CTNNAL1: variants seen among roughly 807,000 people sequenced by gnomAD.
CTNNAL1 encodes the protein alpha-catulin.
Under a neutral mutation model 93.6 loss-of-function variants are expected in CTNNAL1, and 69 were observed. The observed-to-expected ratio is 0.74, with a 90% confidence interval of 0.61 to 0.90. The LOEUF (loss-of-function observed/expected upper bound fraction) is 0.90, where lower values mean the gene tolerates loss of function less well. CTNNAL1 is among the 40% of genes least tolerant of loss of function. CTNNAL1 has a pLI of 0.00. For synonymous variants in CTNNAL1, 286 were observed against 305.4 expected, an observed-to-expected ratio of 0.94 and a Z score of 0.66; for missense variants, 836 against 862.0, an observed-to-expected ratio of 0.97 and a Z score of 0.38.
At chr9:108,988,643 T>C (rs1193525687) in intron 4 of CTNNAL1, among the ~76,000 whole-genome samples, 1 of 152,218 alleles carries the variant, frequency 6.6e-6, no homozygotes, top group Non-Finnish European at 1.5e-5. Flanking sequence ...TCTGATTTCA[T>C]CTTATTACCC....
intron 11 of CTNNAL1, among the ~76,000 whole-genome samples, chr9:108,959,948 T>C (rs1171721322): frequency 6.6e-6 from 1 of 152,240 alleles, no homozygotes; most frequent in Non-Finnish European, 1.5e-5. Context: ...TCAGTTACAA[T>C]ATATAGAGCC....
At chr9:108,975,121 C>T (rs930574341) in intron 8 of CTNNAL1, among the ~76,000 whole-genome samples, 1 of 152,118 alleles carries the variant, frequency 6.6e-6, no homozygotes, top group South Asian at 2.1e-4. Flanking sequence ...CAAGATCACG[C>T]CACTGCACTC....
At chr9:108,964,987 G>C (rs933975050) in intron 11 of CTNNAL1, among the ~76,000 whole-genome samples, 1 of 152,014 alleles carries the variant, frequency 6.6e-6, no homozygotes, top group African/African-American at 2.4e-5. Flanking sequence ...CTCAGCCGTA[G>C]TATCTGGGAT....
At chr9:108,977,613 G>A (rs948495259) in intron 7 of CTNNAL1, among the ~76,000 whole-genome samples, 1 of 152,014 alleles carries the variant, frequency 6.6e-6, no homozygotes, top group African/African-American at 2.4e-5. Context: ...TTTGTTTAAA[G>A]TCTATCTTCC....
chr9:108,999,300 C>T (rs4978382), intron 1 of CTNNAL1, 44 bp from the exon 2 acceptor site: 115,768 of 1,535,398 alleles, frequency 0.075, 3,795 homozygotes, highest in Admixed American at 0.16. Flanking sequence ...AATACCTTTT[C>T]TTTTTTAAGC....
chr9:108,950,498 T>C, intron 14 of CTNNAL1: 1 of 1,547,508 alleles, frequency 6.5e-7, no homozygotes, highest in Admixed American at 2.0e-5. Context: ...TTCTGCCTTC[T>C]TTTTCCAGAG....
intron 11 of CTNNAL1, among the ~76,000 whole-genome samples, chr9:108,959,011 C>T (rs1233424624): frequency 6.6e-6 from 1 of 151,096 alleles, no homozygotes; most frequent in African/African-American, 2.4e-5. Flanking sequence ...TGTTCATAAT[C>T]CCAGCACTTT....
intron 8 of CTNNAL1, among the ~76,000 whole-genome samples, chr9:108,973,272 G>T (rs1831168882): frequency 6.6e-6 from 1 of 152,160 alleles, no homozygotes; most frequent in African/African-American, 2.4e-5. Context: ...ACAGTATTAA[G>T]AGTATTAAGA....
chr9:108,986,213 T>G (rs957595596), intron 4 of CTNNAL1, among the ~76,000 whole-genome samples: 1 of 144,436 alleles, frequency 6.9e-6, no homozygotes, highest in African/African-American at 2.5e-5. Flanking sequence ...GAGTGTGATA[T>G]TCCCCTTCCT....
Position 108,942,851 on chromosome 9 carries a change from C to A in CTNNAL1, c.2140-17G>T. On this transcript the variant is annotated splice_polypyrimidine_tract_variant and intron_variant, in intron 18 of 18. Coordinates refer to ENST00000325551, the MANE Select transcript of CTNNAL1 (RefSeq NM_003798.4). ...CATCTGAAGCTGGAAAGAGTTAAGA[C>A]AATTAGTATCTGGTTTCACTCTGAA... 1.2e-6 allele frequency: 2 copies of A among 1,613,114 alleles called. No homozygotes were observed. The highest frequency in any genetic ancestry group is 2.2e-5 in the South Asian group (2 of 90,986).
intron 1 of CTNNAL1, among the ~76,000 whole-genome samples, chr9:109,010,445 G>T (rs1346436841): frequency 6.6e-6 from 1 of 152,088 alleles, no homozygotes; most frequent in African/African-American, 2.4e-5. Context: ...AGCATAGCAG[G>T]CACCCCACTC....
intron 1 of CTNNAL1, 139 bp downstream of exon 1, chr9:109,013,163 A>G (rs1339818409): frequency 9.1e-7 from 1 of 1,102,784 alleles, no homozygotes; most frequent in Non-Finnish European, 1.2e-6. Context: ...AGCCCCACAC[A>G]GGCGGTCCGA....
At chr9:108,984,554 A>G (rs1831542836) in intron 4 of CTNNAL1, 118 bp from the exon 5 acceptor site, 2 of 569,776 alleles carry the variant, frequency 3.5e-6, no homozygotes, top group South Asian at 5.1e-5. Context: ...AAGTGAAAAA[A>G]AAAAAAAAAC....
chr9:108,950,532 A>G, intron 14 of CTNNAL1: 1 of 1,550,408 alleles, frequency 6.4e-7, no homozygotes, highest in Non-Finnish European at 8.7e-7. Flanking sequence ...GAAAAGGTAG[A>G]AGACGTCATC....
chr9:108,968,444 A>C (rs1406034935), intron 10 of CTNNAL1, among the ~76,000 whole-genome samples: 1 of 152,204 alleles, frequency 6.6e-6, no homozygotes, highest in Non-Finnish European at 1.5e-5. Flanking sequence ...TAAACCAAAA[A>C]TTGCAACCAG....
chr9:108,973,538 C>G (rs954463248), intron 8 of CTNNAL1, among the ~76,000 whole-genome samples: 1 of 152,082 alleles, frequency 6.6e-6, no homozygotes, highest in African/African-American at 2.4e-5. Context: ...CCTCTATGAA[C>G]AAATTGGGTC....
intron 2 of CTNNAL1, among the ~76,000 whole-genome samples, chr9:108,994,896 T>C (rs916934971): frequency 7.2e-5 from 11 of 152,218 alleles, no homozygotes; most frequent in Middle Eastern, 3.4e-3. Flanking sequence ...GGAGAGGAAG[T>C]GAGGCCTCCA....
At chr9:109,001,734 C>T (rs1826836547) in intron 1 of CTNNAL1, among the ~76,000 whole-genome samples, 1 of 152,176 alleles carries the variant, frequency 6.6e-6, no homozygotes, top group Non-Finnish European at 1.5e-5. Flanking sequence ...GATTCTCCAG[C>T]CCCAGTCAAG....
chr9:108,946,087 T>A lies in CTNNAL1; in HGVS notation c.1885-2069A>T, dbSNP rs187915224. On this transcript the variant is annotated intron_variant, in intron 15 of 18. Coordinates refer to ENST00000325551, the MANE Select transcript of CTNNAL1 (RefSeq NM_003798.4). ...AGGCTGAGGCGGGCGAATCACAAGGTCAAGAGATCGAGACCATCCTGGCCA... is the reference window on the plus strand; with the variant it reads ...AGGCTGAGGCGGGCGAATCACAAGGACAAGAGATCGAGACCATCCTGGCCA... 4.8e-3 allele frequency among the ~76,000 whole-genome samples: 725 copies of A among 151,888 alleles called. 6 individuals carry two copies. The highest frequency in any genetic ancestry group is 0.017 in the African/African-American group (709 of 41,430).
Sources: allele counts gnomAD v4.1 joint callset (sites outside exome capture counted in the v4.1 genomes callset), GRCh38; gene constraint gnomAD v4.1.1; transcripts MANE v1.5; gene names NCBI Gene and HGNC (gene_info 2026-07-23, HGNC 2026-07-21).